Variants in GALNT13 observed in about 807,000 individuals in gnomAD.
GALNT13 encodes polypeptide N-acetylgalactosaminyltransferase 13.
In GALNT13, 28 loss-of-function variants were observed where a neutral mutation model predicts 64.2. That is an observed-to-expected ratio of 0.44 (90% CI 0.32 to 0.60). The LOEUF (loss-of-function observed/expected upper bound fraction) is 0.60. GALNT13 is among the 20% of genes least tolerant of loss of function. The pLI is 0.05. For synonymous variants in GALNT13, 214 were observed against 224.6 expected, an observed-to-expected ratio of 0.95 and a Z score of 0.42; for missense variants, 577 against 669.8, an observed-to-expected ratio of 0.86 and a Z score of 1.53.
intron 4 of GALNT13, among the ~76,000 whole-genome samples, chr2:154,156,676 A>C (rs1684441363): frequency 6.6e-6 from 1 of 152,142 alleles, no homozygotes; most frequent in Non-Finnish European, 1.5e-5. Context: ...TCTAATTCTG[A>C]GTATTTGCTC....
chr2:154,417,516 TA>T (rs1163482544), intron 11 of GALNT13, among the ~76,000 whole-genome samples: 8 of 145,868 alleles, frequency 5.5e-5, no homozygotes, highest in Admixed American at 2.8e-4. Context: ...TTTATTTATT[TA>T]TTTATTTTTT....
chr2:153,124,150 A>C, the GALNT13 span, among the ~76,000 whole-genome samples: 1 of 152,206 alleles, frequency 6.6e-6, no homozygotes, highest in Admixed American at 6.5e-5. Context: ...TCAGTCCAAC[A>C]ACCTGCAAGG....
chr2:154,214,097 T>A (rs1687918848), intron 4 of GALNT13, among the ~76,000 whole-genome samples: 1 of 152,208 alleles, frequency 6.6e-6, no homozygotes, highest in African/African-American at 2.4e-5. Flanking sequence ...ATTATCATAA[T>A]TGATGATAAT....
the GALNT13 span, among the ~76,000 whole-genome samples, chr2:153,640,136 C>T: frequency 6.6e-6 from 1 of 152,056 alleles, no homozygotes; most frequent in African/African-American, 2.4e-5. Flanking sequence ...AAATAAAGCA[C>T]CGAGATCTCT....
the GALNT13 span, among the ~76,000 whole-genome samples, chr2:153,801,022 A>G: frequency 3.9e-5 from 6 of 152,048 alleles, no homozygotes; most frequent in Non-Finnish European, 8.8e-5. Flanking sequence ...TCATGAACCA[A>G]TCTCTGCTAC....
intron 3 of GALNT13, among the ~76,000 whole-genome samples, chr2:154,127,880 T>C (rs1266756049): frequency 6.6e-6 from 1 of 151,820 alleles, no homozygotes. Context: ...GATATGTTTA[T>C]TGCATATAAT....
chr2:153,233,462 C>T, the GALNT13 span, among the ~76,000 whole-genome samples: 2 of 147,740 alleles, frequency 1.4e-5, no homozygotes, highest in African/African-American at 5.0e-5. Context: ...TAGAGCTATT[C>T]TCAATATAAT....
chr2:153,992,296 T>C (rs1695208460), intron 3 of GALNT13, among the ~76,000 whole-genome samples: 1 of 152,220 alleles, frequency 6.6e-6, no homozygotes, highest in Non-Finnish European at 1.5e-5. Flanking sequence ...TGTTTATAAT[T>C]AGTGTGCTAA....
chr2:153,439,214 G>A, the GALNT13 span, among the ~76,000 whole-genome samples: 1 of 152,116 alleles, frequency 6.6e-6, no homozygotes, highest in Non-Finnish European at 1.5e-5. Context: ...GTGGTGTGAG[G>A]TGTCAGCCGC....
chr2:153,642,347 A>G, the GALNT13 span, among the ~76,000 whole-genome samples: 1,286 of 151,946 alleles, frequency 8.5e-3, 14 homozygotes, highest in African/African-American at 0.029. Flanking sequence ...TTCTAATACT[A>G]TATTTTATTT....
chr2:153,776,551 T>C, the GALNT13 span, among the ~76,000 whole-genome samples: 2 of 152,224 alleles, frequency 1.3e-5, no homozygotes, highest in Non-Finnish European at 2.9e-5. Flanking sequence ...CAACAAAGCA[T>C]TAACATCCTG....
At chr2:153,978,342 G>T (rs1236497519) in intron 3 of GALNT13, among the ~76,000 whole-genome samples, 1 of 152,108 alleles carries the variant, frequency 6.6e-6, no homozygotes, top group Admixed American at 6.6e-5. Flanking sequence ...TTCAGCCTGG[G>T]TATGAATTTT....
the GALNT13 span, among the ~76,000 whole-genome samples, chr2:153,362,627 A>G: frequency 6.6e-6 from 1 of 151,858 alleles, no homozygotes; most frequent in Non-Finnish European, 1.5e-5. Context: ...ACCAACAAAG[A>G]TCAAAAAAGA....
chr2:153,650,440 A>C, the GALNT13 span, among the ~76,000 whole-genome samples: 1 of 152,254 alleles, frequency 6.6e-6, no homozygotes, highest in Middle Eastern at 3.4e-3. Context: ...TGTGTCTTTT[A>C]ATTGGAGCAT....
chr2:154,066,691 G>T (rs576925629), intron 3 of GALNT13, among the ~76,000 whole-genome samples: 3 of 152,052 alleles, frequency 2.0e-5, no homozygotes, highest in Admixed American at 6.6e-5. Context: ...AAAAGTTGAG[G>T]GATTTCATCA....
the GALNT13 span, among the ~76,000 whole-genome samples, chr2:153,185,009 T>C: frequency 2.6e-5 from 4 of 152,160 alleles, no homozygotes; most frequent in African/African-American, 9.7e-5. Flanking sequence ...CTCCTTTTAA[T>C]TGTTTGCAAT....
intron 8 of GALNT13, 53 bp downstream of exon 8, chr2:154,259,191 G>A: frequency 1.1e-6 from 1 of 926,498 alleles, no homozygotes. Flanking sequence ...GCTGTAGCAT[G>A]CACATACCAG....
At chr2:153,285,965 G>T in the GALNT13 span, among the ~76,000 whole-genome samples, 1 of 151,962 alleles carries the variant, frequency 6.6e-6, no homozygotes, top group Non-Finnish European at 1.5e-5. Flanking sequence ...AAACACAAGA[G>T]AATAAATTCA....
At chr2:153,243,528 A>C in the GALNT13 span, among the ~76,000 whole-genome samples, 1 of 150,540 alleles carries the variant, frequency 6.6e-6, no homozygotes, top group Non-Finnish European at 1.5e-5. Flanking sequence ...TTAACATTGT[A>C]ACATGTAATT....
Sources: allele counts gnomAD v4.1 joint callset (sites outside exome capture counted in the v4.1 genomes callset), GRCh38; gene constraint gnomAD v4.1.1; transcripts MANE v1.5; gene names NCBI Gene and HGNC (gene_info 2026-07-23, HGNC 2026-07-21).